Variants in TNS1 observed in about 807,000 individuals in gnomAD.
TNS1 encodes the protein tensin 1, also known as tensin-1.
Under a neutral mutation model 168.6 loss-of-function variants are expected in TNS1, and 62 were observed. The observed-to-expected ratio is 0.37, with a 90% CI of 0.30 to 0.45. TNS1 has a LOEUF of 0.45. TNS1 is among the 20% of genes least tolerant of loss of function. TNS1 has a pLI of 1.00. For synonymous variants in TNS1, 934 were observed against 933.2 expected, an observed-to-expected ratio of 1.00 and a Z score of -0.02; for missense variants, 2,240 against 2,339.4, an observed-to-expected ratio of 0.96 and a Z score of 0.88.
chr2:217,895,467 A>C (rs1952196631), intron 8 of TNS1, among the ~76,000 whole-genome samples: 1 of 152,204 alleles, frequency 6.6e-6, no homozygotes. Flanking sequence ...AAGGGGATGG[A>C]ACTTGTCTCC....
chr2:217,844,052 G>A (rs1050573864), intron 19 of TNS1, among the ~76,000 whole-genome samples: 3 of 151,962 alleles, frequency 2.0e-5, no homozygotes, highest in African/African-American at 7.3e-5. Flanking sequence ...CTGCCTTCCT[G>A]CTTGTTAACA....
intron 22 of TNS1, among the ~76,000 whole-genome samples, chr2:217,823,248 A>G (rs1409071570): frequency 6.6e-6 from 1 of 151,956 alleles, no homozygotes; most frequent in East Asian, 1.9e-4. Context: ...CAACTATACA[A>G]CTCTGCTGTT....
chr2:217,992,483 G>A (rs1192485759), intron 1 of TNS1: 2 of 152,278 alleles, frequency 1.3e-5, no homozygotes, highest in African/African-American at 4.8e-5. Flanking sequence ...CCACACACAA[G>A]CCAGCGTGTC....
chr2:217,964,603 G>A (rs1957577920), intron 3 of TNS1, among the ~76,000 whole-genome samples: 1 of 152,206 alleles, frequency 6.6e-6, no homozygotes, highest in East Asian at 1.9e-4. Context: ...CTAGGATATA[G>A]GAGTTTTGGA....
intron 18 of TNS1, among the ~76,000 whole-genome samples, chr2:217,863,007 G>A (rs1319252848): frequency 1.3e-5 from 2 of 150,196 alleles, no homozygotes; most frequent in Non-Finnish European, 3.0e-5. Context: ...ACACTGAGGG[G>A]TCTCTCCAGG....
chr2:217,907,653 T>C (rs1953870627), intron 4 of TNS1, among the ~76,000 whole-genome samples: 1 of 152,234 alleles, frequency 6.6e-6, no homozygotes, highest in Non-Finnish European at 1.5e-5. Context: ...GTTAAATGAC[T>C]GAGCCAACAT....
intron 1 of TNS1, among the ~76,000 whole-genome samples, chr2:218,030,065 G>T (rs868038534): frequency 6.6e-6 from 1 of 151,910 alleles, no homozygotes; most frequent in South Asian, 2.1e-4. Context: ...CTGGCTGACC[G>T]TCTCTAACTC....
intron 24 of TNS1, chr2:217,815,238 T>C (rs1300194357): frequency 6.0e-6 from 3 of 503,920 alleles, no homozygotes; most frequent in Admixed American, 3.1e-5. Context: ...GAGAGCACCA[T>C]GGAAGGTGCA....
upstream of TNS1, among the ~76,000 whole-genome samples, chr2:218,014,705 T>C (rs1958740275): frequency 6.6e-6 from 1 of 152,202 alleles, no homozygotes; most frequent in African/African-American, 2.4e-5. Flanking sequence ...TTGATACATT[T>C]GCTGGCTTCT....
chr2:217,992,899 A>G (rs552376400), intron 1 of TNS1, among the ~76,000 whole-genome samples: 2 of 152,370 alleles, frequency 1.3e-5, no homozygotes, highest in East Asian at 3.9e-4. Flanking sequence ...GATGATAGGA[A>G]TGGCTTAAAT....
intron 3 of TNS1, among the ~76,000 whole-genome samples, chr2:217,973,721 T>C (rs1957826159): frequency 6.6e-6 from 1 of 152,182 alleles, no homozygotes; most frequent in East Asian, 1.9e-4. Flanking sequence ...GGGGCCTGGA[T>C]GTTGGATCTG....
At chr2:217,861,807 T>C (rs74491518) in intron 18 of TNS1, among the ~76,000 whole-genome samples, 3,684 of 152,166 alleles carry the variant, frequency 0.024, 159 homozygotes, top group African/African-American at 0.084. Flanking sequence ...AGAACACGAG[T>C]AGTGCAGCGT....
chr2:218,016,324 G>C (rs1958759832), intron 1 of TNS1, among the ~76,000 whole-genome samples: 1 of 152,160 alleles, frequency 6.6e-6, no homozygotes, highest in Admixed American at 6.5e-5. Flanking sequence ...CTGGCAGGGA[G>C]CTAGAGACAC....
At chr2:217,892,818 G>A (rs573342116) in intron 11 of TNS1, 130 bp downstream of exon 11, 62 of 1,058,824 alleles carry the variant, frequency 5.9e-5, no homozygotes, top group Admixed American at 1.9e-4. Context: ...CCCTTCCCCC[G>A]TCCTCATCGC....
chr2:217,971,017 T>C (rs1957763032), intron 3 of TNS1, among the ~76,000 whole-genome samples: 2 of 152,312 alleles, frequency 1.3e-5, no homozygotes, highest in South Asian at 4.1e-4. Context: ...CCAGAAGCCA[T>C]AGACCAATGG....
chr2:217,971,410 T>C (rs1386389767), intron 3 of TNS1, among the ~76,000 whole-genome samples: 1 of 152,254 alleles, frequency 6.6e-6, no homozygotes, highest in African/African-American at 2.4e-5. Flanking sequence ...GATCATTCCT[T>C]TTTATTGCAG....
chr2:217,816,699 C>T (rs1941940212), intron 24 of TNS1, among the ~76,000 whole-genome samples: 1 of 152,086 alleles, frequency 6.6e-6, no homozygotes, highest in Non-Finnish European at 1.5e-5. Context: ...GGAAGTGTCC[C>T]AGCTACTAGA....
chr2:218,022,480 G>A (rs945320647), intron 1 of TNS1, among the ~76,000 whole-genome samples: 1 of 152,086 alleles, frequency 6.6e-6, no homozygotes, highest in African/African-American at 2.4e-5. Flanking sequence ...ACGTGGACAC[G>A]CACACACGCA....
Position 218,002,611 on chromosome 2 carries a change from T to G in TNS1, c.33+229A>C, listed in dbSNP as rs943512119. 3.3e-5 allele frequency among the ~76,000 whole-genome samples: 5 copies of G among 151,534 alleles called. No homozygotes were observed. In the East Asian group the frequency reaches 9.8e-4, roughly 30 times the overall value. On this transcript the variant is annotated intron_variant, in intron 1 of 32. Transcript: ENST00000682258. ...GGGGGTGGGGGGGTGGGGCAGGGGA[T>G]GTACTGACCCGGGACCCTGGGCCTG...
Sources: gnomAD v4.1 joint callset for allele counts (sites outside exome capture counted in the v4.1 genomes callset) on GRCh38, gnomAD v4.1.1 for gene constraint, MANE v1.5 for transcripts, NCBI Gene and HGNC (gene_info 2026-07-23, HGNC 2026-07-21) for gene names.